UTP20: variants seen among roughly 807,000 people sequenced by gnomAD.
UTP20 encodes the protein UTP20 small subunit processome component.
A neutral mutation model predicts 329.5 loss-of-function variants in UTP20; 164 were observed. The ratio of observed to expected loss-of-function variants is 0.50; its 90% confidence interval spans 0.44 to 0.57. UTP20 has a LOEUF of 0.57. Ranked by LOEUF, UTP20 falls within the 20% of genes least tolerant of loss-of-function variation. UTP20 has a pLI of 0.00. For missense variants in UTP20, 3,055 were observed against 3,284.2 expected (o/e 0.93, Z 1.71); for synonymous variants, 1,151 against 1,159.3 (o/e 0.99, Z 0.14).
chr12:101,296,373 C>T (rs1332676590), intron 12 of UTP20, among the ~76,000 whole-genome samples: 1 of 152,100 alleles, frequency 6.6e-6, no homozygotes. Context: ...AGATCGAGAC[C>T]ATCCTGGCTA....
intron 47 of UTP20, 122 bp downstream of exon 47, chr12:101,366,821 A>T: frequency 2.8e-6 from 3 of 1,060,130 alleles, no homozygotes; most frequent in Non-Finnish European, 3.8e-6. Context: ...TACATTTTAG[A>T]TTTTTTTTTT....
chr12:101,316,118 G>A (rs79575374), intron 21 of UTP20, among the ~76,000 whole-genome samples: 1 of 152,248 alleles, frequency 6.6e-6, no homozygotes, highest in African/African-American at 2.4e-5. Flanking sequence ...TTTTTGGCTA[G>A]CAATTTATAT....
chr12:101,303,663 ACCT>A (rs1197905354), intron 15 of UTP20, among the ~76,000 whole-genome samples: 1 of 151,810 alleles, frequency 6.6e-6, no homozygotes, highest in African/African-American at 2.4e-5. Context: ...GAGGCAGTAG[ACCT>A]CCTTAGGTCA....
In UTP20 at chr12:101,290,785, A is replaced by C. The variant is rs2137233737; in HGVS notation, c.788A>C (p.Gln263Pro). The C allele has an allele frequency of 6.2e-7, 1 of 1,613,952 alleles. No individual in the cohort carries two copies. Among genetic ancestry groups the C allele is most frequent in the Non-Finnish European group, 8.5e-7 (1 of 1,179,916 alleles). ...GGACCAGTCACTGAAACAGAAACTC[A>C]ACTACCATGGATGTTAATTGGAGAA... ...KLGPVTETET[Q>P]LPWMLIGETL... is the part of the protein sequence containing the mutation. The change falls in exon 8 of 62, where the codon CAA (glutamine) becomes CCA (proline). Residue 263 changes from glutamine to proline, a missense_variant. Gln to Pro is a moderately conservative substitution (Grantham distance 76). Coordinates refer to ENST00000261637, the MANE Select transcript of UTP20 (RefSeq NM_014503.3).
chr12:101,284,117 C>T (rs746100891), intron 2 of UTP20, among the ~76,000 whole-genome samples: 2 of 151,720 alleles, frequency 1.3e-5, no homozygotes, highest in African/African-American at 4.9e-5. Context: ...ATTTTAGATA[C>T]AGGGGGTACC....
At chr12:101,352,746 G>T (rs988944512) in intron 39 of UTP20, among the ~76,000 whole-genome samples, 13 of 150,000 alleles carry the variant, frequency 8.7e-5, no homozygotes, top group Admixed American at 2.0e-4. Context: ...CACCAGCATG[G>T]CACATGTATA....
intron 59 of UTP20, 107 bp downstream of exon 59, chr12:101,383,420 C>G: frequency 6.7e-7 from 1 of 1,484,352 alleles, no homozygotes; most frequent in Non-Finnish European, 9.1e-7. Flanking sequence ...CTTTGAACCC[C>G]AAACTGCAGC....
chr12:101,328,706 T>C (rs1482808006), intron 26 of UTP20, among the ~76,000 whole-genome samples: 2 of 151,838 alleles, frequency 1.3e-5, no homozygotes, highest in Non-Finnish European at 2.9e-5. Context: ...CCAACTCTAC[T>C]AAAAATACAA....
intron 4 of UTP20, 73 bp from the exon 5 acceptor site, chr12:101,286,248 C>T (rs781021847): frequency 8.3e-6 from 11 of 1,330,554 alleles, no homozygotes; most frequent in South Asian, 5.0e-5. Flanking sequence ...TCATAGGCCA[C>T]CTACTATCGT....
At chr12:101,281,329 A>G (rs973593738) in intron 2 of UTP20, 133 bp downstream of exon 2, 1 of 692,908 alleles carries the variant, frequency 1.4e-6, no homozygotes, top group African/African-American at 1.8e-5. Context: ...TGTTTCATAC[A>G]GTAGCCACAT....
chr12:101,371,108 G>C lies in UTP20; in HGVS notation c.6738G>C (p.Arg2246=). Reference sequence around the variant, plus strand: ...TCCCAGAAATCGATGAGGTCATGCGGAAAGTATCCAAGTTGGCAGTCTCTG... The same window carrying C: ...TCCCAGAAATCGATGAGGTCATGCGCAAAGTATCCAAGTTGGCAGTCTCTG... The part of the protein sequence containing the change: ...LLVPEIDEVM[R]KVSKLAVSAQ... Residue 2246 remains arginine (R), a synonymous_variant, in exon 51 of 62, where the codon CGG becomes CGC. Coordinates refer to ENST00000261637, the MANE Select transcript of UTP20 (RefSeq NM_014503.3). The C allele has an allele frequency of 4.3e-6, 7 of 1,614,148 alleles. No homozygotes were observed. Among genetic ancestry groups the C allele is most frequent in the Non-Finnish European group, 5.1e-6 (6 of 1,180,014 alleles).
intron 44 of UTP20, among the ~76,000 whole-genome samples, chr12:101,363,022 A>T (rs1593449524): frequency 7.6e-6 from 1 of 131,454 alleles, no homozygotes; most frequent in Non-Finnish European, 1.5e-5. Flanking sequence ...GATCCCAGCT[A>T]CTTAGGAGGC....
intron 48 of UTP20, among the ~76,000 whole-genome samples, chr12:101,368,575 T>G (rs1870176203): frequency 6.6e-6 from 1 of 152,168 alleles, no homozygotes; most frequent in Non-Finnish European, 1.5e-5. Context: ...CTTAAGTATG[T>G]CACTGGATCC....
rs747880391 is a variant in UTP20, at chr12:101,356,617, C to T, written c.5458C>T (p.Arg1820Ter). ...SKVVNDEEVV[R>*]VPLAFAMVKL... ...GGTTGTGAATGATGAGGAAGTCGTT[C>T]GAGTTCCATTAGCTTTTGCCATGGT... is the stretch of plus-strand genomic sequence containing the variant. Residue 1820 changes from arginine to a stop codon, truncating the protein, a stop_gained, in exon 42 of 62, where the codon CGA becomes TGA. Transcript: ENST00000261637. LOFTEE classifies it high-confidence loss of function. The T allele has an allele frequency of 4.3e-6, 7 of 1,613,850 alleles. No individual in the cohort carries two copies. The highest frequency in any genetic ancestry group is 1.1e-5 in the South Asian group (1 of 91,054).
At chr12:101,360,233 G>T (rs1340031547) in intron 43 of UTP20, among the ~76,000 whole-genome samples, 1 of 152,132 alleles carries the variant, frequency 6.6e-6, no homozygotes, top group East Asian at 1.9e-4. Context: ...TCCACCAAAA[G>T]GTTTTTTTAC....
In UTP20 at chr12:101,366,157, G is replaced by A. The variant is rs1219443773; in HGVS notation, c.6126-401G>A. ...TGAGGCAGGAGAATCACTTGAACCC[G>A]GGAGGCGGAGGTTGGAGTGAGCCGA... is the stretch of plus-strand genomic sequence containing the variant. On this transcript the variant is annotated intron_variant, in intron 46 of 61. Transcript: ENST00000261637. Among the ~76,000 whole-genome samples the A allele has an allele frequency of 6.6e-5, 10 of 152,136 alleles. 1 individual carries two copies. Among genetic ancestry groups the A allele is most frequent in the Non-Finnish European group, 1.0e-4 (7 of 68,012 alleles).
Position 101,363,041 on chromosome 12 carries a change from G to A in UTP20, c.5791-535G>A, listed in dbSNP as rs1251363741. On this transcript the variant is annotated intron_variant, in intron 44 of 61. Transcript: ENST00000261637. ...CCAGCTACTTAGGAGGCTGAGACAC[G>A]AGAATTGCTTGAACCCAGGAGCTGG... is the stretch of plus-strand genomic sequence containing the variant. Among the ~76,000 whole-genome samples the A allele has an allele frequency of 1.5e-5, 2 of 131,552 alleles. 1 individual carries two copies. Among genetic ancestry groups the A allele is most frequent in the African/African-American group, 8.0e-5 (2 of 24,862 alleles). The allele number at this position is 131,552 out of a possible 152,430, so 86.3% of individuals were successfully genotyped here. A position where few individuals can be genotyped will look rare whatever the true frequency, so the allele number is the denominator to read the frequency against.
intron 1 of UTP20, 80 bp downstream of exon 1, chr12:101,280,407 G>A: frequency 1.3e-6 from 2 of 1,518,756 alleles, no homozygotes; most frequent in South Asian, 1.2e-5. Flanking sequence ...AGACTCCAGG[G>A]GCCTCAGACT....
chr12:101,290,268 A>G lies in UTP20; in HGVS notation c.729A>G (p.Thr243=), dbSNP rs773526512. 3.1e-6 allele frequency: 5 copies of G among 1,599,742 alleles called. No homozygotes were observed. In the East Asian group the frequency reaches 1.1e-4, roughly 36 times the overall value. The change falls in exon 7 of 62, where the codon ACA becomes ACG. Residue 243 remains threonine, a synonymous_variant. Coordinates refer to ENST00000261637, the MANE Select transcript of UTP20 (RefSeq NM_014503.3). ...TTAGAAATATGTTTCACTCCTGTAC[A>G]GGCCAGGTACATAATGGGGAGGGGT... ...KGVRNMFHSC[T]GQAVKLILRK... is the part of the protein sequence containing the mutation.
Sources: gnomAD v4.1 joint callset for allele counts (sites outside exome capture counted in the v4.1 genomes callset) on GRCh38, gnomAD v4.1.1 for gene constraint, MANE v1.5 for transcripts, NCBI Gene and HGNC (gene_info 2026-07-23, HGNC 2026-07-21) for gene names.